MACF1: variants seen among roughly 807,000 people sequenced by gnomAD.
MACF1 encodes the protein microtubule-actin cross-linking factor 1.
Under a neutral mutation model 854.8 loss-of-function variants are expected in MACF1, and 193 were observed. The ratio of observed to expected loss-of-function variants is 0.23; its 90% confidence interval spans 0.20 to 0.25. The LOEUF is 0.25. MACF1 is among the 10% of genes least tolerant of loss of function. The pLI, the probability that MACF1 is intolerant of heterozygous loss-of-function variation, is 1.00. For synonymous variants in MACF1, 3,185 were observed against 3,226.7 expected, an observed-to-expected ratio of 0.99 and a Z score of 0.44; for missense variants, 7,722 against 8,929.1, an observed-to-expected ratio of 0.86 and a Z score of 5.45.
chr1:39,434,406 TC>T lies in MACF1; in HGVS notation c.17566-7del. The stretch of plus-strand genomic sequence containing the variant: ...TTATCCTTTTTTTTTTTTTTTTTGC[TC>T]ACATAGGAAAAGACAGAGTCTCTAA... On this transcript the variant is annotated splice_region_variant and splice_polypyrimidine_tract_variant and intron_variant, in intron 68 of 100. Transcript: ENST00000564288. 1.6e-6 allele frequency: 2 copies of T among 1,256,114 alleles called. No individual in the cohort carries two copies. The allele number at this position is 1,256,114 out of a possible 1,614,324, so 77.8% of individuals were successfully genotyped here.
In MACF1 at chr1:39,473,177, C is replaced by T. The variant is rs114263478; in HGVS notation, c.21958+3562C>T. On this transcript the variant is annotated intron_variant, in intron 97 of 100. Transcript: ENST00000564288. Reference sequence around the variant, plus strand: ...TGAACTGTATTTTCCCAGCATCCTGCATGCACCCAGCTAGGAAAGCAAGTG... The same window carrying T: ...TGAACTGTATTTTCCCAGCATCCTGTATGCACCCAGCTAGGAAAGCAAGTG... Among the ~76,000 whole-genome samples the T allele has an allele frequency of 8.3e-3, 1,262 of 152,294 alleles. 10 individuals carry two copies. Among genetic ancestry groups the T allele is most frequent in the Non-Finnish European group, 0.013 (892 of 68,020 alleles).
At chr1:39,288,991 G>C (rs1328241591) in intron 15 of MACF1, among the ~76,000 whole-genome samples, 1 of 152,102 alleles carries the variant, frequency 6.6e-6, no homozygotes, top group Non-Finnish European at 1.5e-5. Flanking sequence ...AACATGCATT[G>C]TTTGTCTTTC....
chr1:39,297,539 A>G, intron 20 of MACF1, 81 bp from the exon 21 acceptor site: 5 of 1,551,048 alleles, frequency 3.2e-6, no homozygotes, highest in Non-Finnish European at 4.4e-6. Context: ...AGCTCTGCAC[A>G]GTAAAATTGT....
intron 58 of MACF1, chr1:39,410,460 G>A (rs1642939304): frequency 2.5e-6 from 4 of 1,613,986 alleles, no homozygotes; most frequent in East Asian, 4.5e-5. Flanking sequence ...TGGAAAAGAT[G>A]GAAGGAAGTA....
intron 29 of MACF1, 138 bp downstream of exon 29, chr1:39,317,545 T>C: frequency 1.0e-6 from 1 of 966,752 alleles, no homozygotes; most frequent in Non-Finnish European, 1.5e-6. Context: ...CCACATAAAT[T>C]CTGGACAAGT....
chr1:39,406,145 G>A (rs767337560), intron 58 of MACF1, among the ~76,000 whole-genome samples: 1 of 152,184 alleles, frequency 6.6e-6, no homozygotes, highest in African/African-American at 2.4e-5. Context: ...TTTTGGAGGT[G>A]CGGTGGGAGG....
intron 2 of MACF1, among the ~76,000 whole-genome samples, chr1:39,235,955 C>T (rs1050270537): frequency 1.3e-5 from 2 of 152,148 alleles, no homozygotes; most frequent in African/African-American, 4.8e-5. Flanking sequence ...CCAGGCTTGT[C>T]TTCTACTCCT....
intron 1 of MACF1, among the ~76,000 whole-genome samples, chr1:39,217,208 A>G (rs1351077670): frequency 6.6e-6 from 1 of 152,066 alleles, no homozygotes; most frequent in Non-Finnish European, 1.5e-5. Flanking sequence ...TTCATATCAT[A>G]TACTCCTCAC....
At chr1:39,289,324 A>G (rs1323872430) in intron 15 of MACF1, among the ~76,000 whole-genome samples, 1 of 152,188 alleles carries the variant, frequency 6.6e-6, no homozygotes, top group Non-Finnish European at 1.5e-5. Flanking sequence ...ACTGTTCTCC[A>G]TAGTGGTTGT....
chr1:39,142,614 A>G (rs1261568982), intron 2 of MACF1, among the ~76,000 whole-genome samples: 1 of 152,206 alleles, frequency 6.6e-6, no homozygotes, highest in African/African-American at 2.4e-5. Context: ...AGAAGGGACC[A>G]TATGGACAGT....
chr1:39,129,805 A>G (rs1028834295), intron 2 of MACF1, among the ~76,000 whole-genome samples: 1 of 152,094 alleles, frequency 6.6e-6, no homozygotes, highest in African/African-American at 2.4e-5. Flanking sequence ...TATCATTCCC[A>G]TCTCTGAGGT....
intron 2 of MACF1, among the ~76,000 whole-genome samples, chr1:39,129,468 A>G (rs1248751548): frequency 6.6e-6 from 1 of 152,148 alleles, no homozygotes; most frequent in African/African-American, 2.4e-5. Flanking sequence ...ATTGCCATTT[A>G]TTTTCTTTGC....
chr1:39,461,372 G>A (rs1014662119), intron 92 of MACF1, among the ~76,000 whole-genome samples: 6 of 152,132 alleles, frequency 3.9e-5, no homozygotes, highest in African/African-American at 1.4e-4. Context: ...TTATGTTTAT[G>A]CCTTTTGGTA....
chr1:39,379,410 C>T lies in MACF1; in HGVS notation c.13484C>T (p.Thr4495Ile), dbSNP rs775940058. 6.2e-6 allele frequency: 10 copies of T among 1,613,984 alleles called. No individual in the cohort carries two copies. Among genetic ancestry groups the T allele is most frequent in the Middle Eastern group, 1.7e-4 (1 of 6,060 alleles). Reference protein sequence around the residue: ...SMDAMSSPTKTETVKAQAESN... With the variant: ...SMDAMSSPTKIETVKAQAESN... ...GATGCCATGTCATCTCCAACCAAGA[C>T]AGAAACAGTGAAAGCCCAAGCTGAA... The change falls in exon 54 of 101, where the codon ACA (threonine) becomes ATA (isoleucine). Residue 4495 changes from threonine (T) to isoleucine (I), a missense_variant. This residue lies in a region of MACF1 where 2,807 missense variants were observed against 3,235.8 expected (regional missense o/e 0.87). Transcript: ENST00000564288.
At chr1:39,440,940 C>T (rs1363271039) in intron 72 of MACF1, 63 bp from the exon 73 acceptor site, 2 of 1,589,936 alleles carry the variant, frequency 1.3e-6, no homozygotes, top group Non-Finnish European at 8.6e-7. Context: ...ATCACATTTG[C>T]AAAGTTTGGT....
At chr1:39,337,777 G>A (rs184213885) in intron 38 of MACF1, among the ~76,000 whole-genome samples, 3,927 of 136,830 alleles carry the variant, frequency 0.029, 81 homozygotes, top group Non-Finnish European at 0.044. Flanking sequence ...GTGTGTGTGT[G>A]TTTTTTTTTT....
intron 6 of MACF1, among the ~76,000 whole-genome samples, chr1:39,261,882 G>A (rs567352636): frequency 1.3e-5 from 2 of 152,234 alleles, no homozygotes; most frequent in South Asian, 4.1e-4. Flanking sequence ...CTGCCAAATT[G>A]TCTTGCAAAA....
intron 49 of MACF1, among the ~76,000 whole-genome samples, chr1:39,365,658 C>T (rs1569726666): frequency 6.6e-6 from 1 of 151,704 alleles, no homozygotes; most frequent in African/African-American, 2.4e-5. Context: ...GTCTTTGAGT[C>T]TATTTCTGGA....
chr1:39,373,936 C>A (rs1649490285), intron 52 of MACF1, among the ~76,000 whole-genome samples: 1 of 151,616 alleles, frequency 6.6e-6, no homozygotes, highest in Non-Finnish European at 1.5e-5. Flanking sequence ...CAAATTAAGT[C>A]TTTGAAGCAA....
Sources: gnomAD v4.1 joint callset for allele counts (sites outside exome capture counted in the v4.1 genomes callset) on GRCh38, gnomAD v4.1.1 for gene constraint, gnomAD v4.1.1 regional missense constraint, MANE v1.5 for transcripts, NCBI Gene and HGNC (gene_info 2026-07-23, HGNC 2026-07-21) for gene names.